The following VPS53 variants were observed in gnomAD, a reference collection of about 807,000 sequenced individuals.
VPS53 encodes the protein VPS53 subunit of GARP complex.
In VPS53, 70 loss-of-function variants were observed where a neutral mutation model predicts 107.0. The ratio of observed to expected loss-of-function variants is 0.65; its 90% CI spans 0.54 to 0.80. The LOEUF (loss-of-function observed/expected upper bound fraction) is 0.80. Among genes scored for constraint, VPS53 ranks in the 30% least tolerant of loss-of-function variants. The probability of loss-of-function intolerance (pLI) is 0.00; values close to 1 mark genes in which losing one functional copy is unlikely to be tolerated. For missense variants in VPS53, 917 were observed against 1,049.4 expected (o/e 0.87, Z 1.74); for synonymous variants, 409 against 393.3 (o/e 1.04, Z -0.47).
At chr17:568,357 C>T (rs752846454) in intron 13 of VPS53, among the ~76,000 whole-genome samples, 9 of 152,086 alleles carry the variant, frequency 5.9e-5, no homozygotes, top group Non-Finnish European at 8.8e-5. Context: ...TCCTCCCACC[C>T]CAGCCTCCTG....
chr17:674,507 T>C (rs553250565), intron 4 of VPS53: 1 of 152,328 alleles, frequency 6.6e-6, no homozygotes, highest in Non-Finnish European at 1.5e-5. Flanking sequence ...TTTTTTCTCT[T>C]CCTGGTTCGC....
chr17:668,390 G>A lies in VPS53; in HGVS notation c.286-6495C>T, dbSNP rs528530183. On this transcript the variant is annotated intron_variant, in intron 4 of 21. Coordinates refer to ENST00000437048, the MANE Select transcript of VPS53 (RefSeq NM_001128159.3). ...TAAGAGTGCTGGTGCTGAGGCTACC[G>A]CTCTGAATAAGTGCGCTCATAACCA... Among the ~76,000 whole-genome samples, 13 of 152,264 alleles carry A rather than the reference G, an allele frequency of 8.5e-5. No individual in the cohort carries two copies. The South Asian group carries it at 1.2e-3, about 15-fold the overall frequency.
chr17:654,509 C>T (rs370793243), intron 6 of VPS53, among the ~76,000 whole-genome samples: 12 of 152,012 alleles, frequency 7.9e-5, no homozygotes, highest in East Asian at 1.9e-4. Context: ...GAGGCCGAGG[C>T]GGGCAGATCA....
At chr17:629,806 AAACCAC>A (rs1167222232) in intron 8 of VPS53, among the ~76,000 whole-genome samples, 23 of 80,066 alleles carry the variant, frequency 2.9e-4, no homozygotes, top group Non-Finnish European at 5.2e-4. Flanking sequence ...AACAAAAAAA[AAACCAC>A]ACACACACAC....
chr17:540,121 C>T (rs1163773666), intron 17 of VPS53, among the ~76,000 whole-genome samples: 2 of 142,742 alleles, frequency 1.4e-5, no homozygotes, highest in Non-Finnish European at 3.0e-5. Context: ...ACTAGGCCTT[C>T]GTTAAAGGTA....
intron 18 of VPS53, chr17:536,430 C>A (rs1419158014): frequency 6.6e-6 from 1 of 152,090 alleles, no homozygotes; most frequent in East Asian, 1.9e-4. Context: ...ATATGAAATC[C>A]CTGAAAAAGA....
chr17:612,088 T>C (rs1177925512), intron 11 of VPS53, among the ~76,000 whole-genome samples: 2 of 150,386 alleles, frequency 1.3e-5, no homozygotes, highest in Non-Finnish European at 3.0e-5. Context: ...ACATAGTGAG[T>C]TCACACAGTG....
At chr17:537,295 G>T in intron 17 of VPS53, 119 bp from the exon 18 acceptor site, 1 of 1,196,522 alleles carries the variant, frequency 8.4e-7, no homozygotes, top group Non-Finnish European at 1.2e-6. Flanking sequence ...CCAGGAATCA[G>T]GCCCTTTTGT....
At chr17:685,881 A>T (rs1438743651) in intron 4 of VPS53, among the ~76,000 whole-genome samples, 2 of 152,154 alleles carry the variant, frequency 1.3e-5, no homozygotes, top group Non-Finnish European at 2.9e-5. Flanking sequence ...ACATGGTGAC[A>T]TGCACTTGTA....
At chr17:606,662 C>G (rs1198265036) in intron 11 of VPS53, among the ~76,000 whole-genome samples, 2 of 152,160 alleles carry the variant, frequency 1.3e-5, no homozygotes, top group Non-Finnish European at 2.9e-5. Context: ...CTGTTAGCAA[C>G]CAGGCTGCAT....
At chr17:702,060 T>C (rs1164754865) in intron 2 of VPS53, among the ~76,000 whole-genome samples, 2 of 152,176 alleles carry the variant, frequency 1.3e-5, no homozygotes, top group African/African-American at 4.8e-5. Flanking sequence ...ATAATGAATG[T>C]AGCTTTTAAA....
chr17:627,116 G>A lies in VPS53; in HGVS notation c.974+58C>T. The A allele has an allele frequency of 5.7e-6, 9 of 1,572,548 alleles. No individual in the cohort carries two copies. The South Asian group carries it at 1.1e-4, about 19-fold the overall frequency. On this transcript the variant is annotated intron_variant, in intron 10 of 21. Coordinates refer to ENST00000437048, the MANE Select transcript of VPS53 (RefSeq NM_001128159.3). ...GGACAACATGGAACCATTAGAGACT[G>A]GGGAACCGATGGTGAAAATTTGATT...
intron 1 of VPS53, 77 bp downstream of exon 1, chr17:714,546 G>C: frequency 7.2e-7 from 1 of 1,394,126 alleles, no homozygotes; most frequent in Non-Finnish European, 9.7e-7. Flanking sequence ...TCCACCCGCC[G>C]CGGCCTCCCC....
rs186092062 is a variant in VPS53 at position 520,909 on chromosome 17, A to C, written c.2223+692T>G. ...CACCCTTACCTACATGAGCTGCTTC[A>C]TCCTCACCCACATCCCACCGGTGTC... On this transcript the variant is annotated intron_variant, in intron 20 of 21. Transcript: ENST00000437048. The surrounding 1 kb of genome is among the most constrained non-coding windows in gnomAD (Gnocchi z 4.4). Among the ~76,000 whole-genome samples, 328 of 149,770 alleles carry C rather than the reference A, an allele frequency of 2.2e-3. 2 individuals carry two copies. Among genetic ancestry groups the C allele is most frequent in the South Asian group, 2.5e-3 (12 of 4,718 alleles).
intron 4 of VPS53, among the ~76,000 whole-genome samples, chr17:692,589 C>A (rs1331023185): frequency 3.3e-5 from 5 of 152,340 alleles, no homozygotes; most frequent in African/African-American, 1.2e-4. Flanking sequence ...TAAATCATTC[C>A]TTACCCCCAA....
At chr17:634,850 A>G (rs1970124312) in intron 7 of VPS53, among the ~76,000 whole-genome samples, 2 of 150,524 alleles carry the variant, frequency 1.3e-5, no homozygotes, top group African/African-American at 4.9e-5. Flanking sequence ...GTGCCGCAAT[A>G]AACATACGTG....
intron 12 of VPS53, among the ~76,000 whole-genome samples, chr17:599,438 A>G (rs1329011593): frequency 1.3e-5 from 2 of 151,508 alleles, no homozygotes; most frequent in Non-Finnish European, 2.9e-5. Flanking sequence ...GATCCTGTTG[A>G]TCTGTGACCT....
At chr17:651,137 A>C (rs369835825) in intron 7 of VPS53, among the ~76,000 whole-genome samples, 1 of 152,300 alleles carries the variant, frequency 6.6e-6, no homozygotes, top group South Asian at 2.1e-4. Context: ...GATTTATGTA[A>C]ATACACACAC....
At chr17:714,076 G>GA (rs1479187192) in intron 1 of VPS53, 1 of 151,576 alleles carries the variant, frequency 6.6e-6, no homozygotes, top group East Asian at 1.9e-4. Context: ...TTCCTGAAGG[G>GA]AAAAGAGGCC....
Sources: allele counts gnomAD v4.1 joint callset (sites outside exome capture counted in the v4.1 genomes callset), GRCh38; gene constraint gnomAD v4.1.1; non-coding constraint Gnocchi (gnomAD v3.1); transcripts MANE v1.5; gene names NCBI Gene and HGNC (gene_info 2026-07-23, HGNC 2026-07-21).